Variants in AIRIM observed in about 807,000 individuals in gnomAD.
AIRIM encodes AFG2 interacting ribosome maturation factor.
the AIRIM span, chr1:37,690,015 G>GTTTTTTTTT: frequency 8.0e-7 from 1 of 1,244,176 alleles, no homozygotes. Flanking sequence ...CAGAAGCAGG[G>GTTTTTTTTT]TTTTTTTTTT....
chr1:37,689,706 C>G, the AIRIM span: 1 of 1,613,962 alleles, frequency 6.2e-7, no homozygotes, highest in Non-Finnish European at 8.5e-7. Flanking sequence ...GCCGGCACAT[C>G]CTCAAACCGC....
chr1:37,690,344 C>A, the AIRIM span: 1 of 1,290,210 alleles, frequency 7.8e-7, no homozygotes, highest in Non-Finnish European at 1.0e-6. Context: ...CTGGATAGGG[C>A]AGTCTCCTGC....
the AIRIM span, among the ~76,000 whole-genome samples, chr1:37,690,884 T>C: frequency 6.6e-6 from 1 of 152,214 alleles, no homozygotes; most frequent in Admixed American, 6.5e-5. Context: ...GTGGCAGCTC[T>C]GGCTAAAATG....
the AIRIM span, chr1:37,686,566 G>T: frequency 9.5e-7 from 1 of 1,057,874 alleles, no homozygotes; most frequent in Non-Finnish European, 1.4e-6. Flanking sequence ...GTGAAGGGCT[G>T]CCCTGTACAT....
chr1:37,687,059 A>AGT, the AIRIM span, among the ~76,000 whole-genome samples: 1,567 of 141,288 alleles, frequency 0.011, 12 homozygotes, highest in Non-Finnish European at 0.017. Flanking sequence ...CCGTCTCAAA[A>AGT]GTGTGTGTGT....
At chr1:37,683,711 A>C in the AIRIM span, 2 of 326,768 alleles carry the variant, frequency 6.1e-6, no homozygotes, top group Non-Finnish European at 1.1e-5. Context: ...GAAAGAACAA[A>C]AGGGACATGA....
the AIRIM span, chr1:37,682,986 G>T: frequency 1.1e-6 from 1 of 891,396 alleles, no homozygotes; most frequent in Non-Finnish European, 1.8e-6. Context: ...TCCTCCCCAA[G>T]ACCCAGTCCT....
chr1:37,689,438 G>A, the AIRIM span: 2 of 720,128 alleles, frequency 2.8e-6, no homozygotes, highest in East Asian at 2.7e-5. Flanking sequence ...CCAGAAAATG[G>A]CTTTCTGACC....
the AIRIM span, among the ~76,000 whole-genome samples, chr1:37,687,114 AGT>A: frequency 3.0e-5 from 4 of 132,010 alleles, no homozygotes; most frequent in African/African-American, 1.2e-4. Context: ...GTGTGTGTAT[AGT>A]TTTTGTTTTT....
At chr1:37,686,187 T>C in the AIRIM span, 10 of 1,295,790 alleles carry the variant, frequency 7.7e-6, no homozygotes, top group Non-Finnish European at 1.0e-5. Context: ...TGACTCAAAC[T>C]ACTTAGTTTT....
At chr1:37,689,974 T>C in the AIRIM span, 2 of 1,458,078 alleles carry the variant, frequency 1.4e-6, no homozygotes, top group African/African-American at 2.8e-5. Context: ...TCATCTCTGT[T>C]ATCGTGTTCA....
the AIRIM span, among the ~76,000 whole-genome samples, chr1:37,685,617 G>A: frequency 6.6e-6 from 1 of 151,166 alleles, no homozygotes; most frequent in Non-Finnish European, 1.5e-5. Context: ...CAAACTCTCG[G>A]GCTCAAGCAG....
chr1:37,683,471 T>C, the AIRIM span: 1 of 1,603,018 alleles, frequency 6.2e-7, no homozygotes, highest in South Asian at 1.1e-5. Context: ...CAAAAGAAAA[T>C]GCAGTATGCT....
At chr1:37,689,970 C>CT in the AIRIM span, 1 of 1,461,534 alleles carries the variant, frequency 6.8e-7, no homozygotes, top group South Asian at 1.4e-5. Flanking sequence ...GGCGTCATCT[C>CT]TGTTATCGTG....
At chr1:37,682,817 A>G in the AIRIM span, 1 of 293,958 alleles carries the variant, frequency 3.4e-6, no homozygotes, top group Non-Finnish European at 6.4e-6. Context: ...TTAGGTCCAC[A>G]ATAGAGGAAA....
At chr1:37,684,365 G>A in the AIRIM span, among the ~76,000 whole-genome samples, 1 of 152,188 alleles carries the variant, frequency 6.6e-6, no homozygotes, top group East Asian at 1.9e-4. Flanking sequence ...GCCGGGCGCG[G>A]TGGCTCGAGC....
At chr1:37,685,746 C>T in the AIRIM span, among the ~76,000 whole-genome samples, 9 of 152,216 alleles carry the variant, frequency 5.9e-5, no homozygotes, top group Non-Finnish European at 1.3e-4. Flanking sequence ...GTCTTTCTAC[C>T]CTCACCTGCT....
the AIRIM span, among the ~76,000 whole-genome samples, chr1:37,689,338 T>G: frequency 6.6e-6 from 1 of 152,216 alleles, no homozygotes; most frequent in Non-Finnish European, 1.5e-5. Flanking sequence ...AGGGCAGAGC[T>G]AATAGGCTTT....
At chr1:37,684,945 G>A in the AIRIM span, among the ~76,000 whole-genome samples, 1 of 151,888 alleles carries the variant, frequency 6.6e-6, no homozygotes, top group African/African-American at 2.4e-5. Flanking sequence ...GATCATCAAG[G>A]CCAGGAGTTC....
Sources: allele counts gnomAD v4.1 joint callset (sites outside exome capture counted in the v4.1 genomes callset), GRCh38; gene constraint gnomAD v4.1.1; transcripts MANE v1.5; gene names NCBI Gene and HGNC (gene_info 2026-07-23, HGNC 2026-07-21).